The following MTMR2 variants were observed in gnomAD, a reference collection of about 807,000 sequenced individuals.
The protein encoded by MTMR2 is myotubularin related protein 2.
Under a neutral mutation model 86.9 loss-of-function variants are expected in MTMR2, and 55 were observed. The observed-to-expected ratio is 0.63, with a 90% CI of 0.51 to 0.79. The LOEUF (loss-of-function observed/expected upper bound fraction) is 0.79. Ranked by LOEUF, MTMR2 falls within the 30% of genes least tolerant of loss-of-function variation. The probability of loss-of-function intolerance (pLI) is 0.00; values close to 1 mark genes in which losing one functional copy is unlikely to be tolerated. For synonymous variants in MTMR2, 241 were observed against 266.8 expected (o/e 0.90, Z 0.94); for missense variants, 659 against 772.3 (o/e 0.85, Z 1.74).
chr11:95,841,771 AT>A, intron 11 of MTMR2, 62 bp from the exon 12 acceptor site: 2 of 1,356,328 alleles, frequency 1.5e-6, no homozygotes, highest in East Asian at 2.3e-5. Flanking sequence ...GATGGAAATA[AT>A]TTTTTAAAAA....
chr11:95,884,949 C>T (rs1203861049), intron 2 of MTMR2, among the ~76,000 whole-genome samples: 2 of 151,996 alleles, frequency 1.3e-5, no homozygotes, highest in East Asian at 1.9e-4. Flanking sequence ...GAACAGTTAA[C>T]CTTTGTTGCC....
At chr11:95,855,096 C>A (rs1864162223) in intron 7 of MTMR2, among the ~76,000 whole-genome samples, 1 of 152,066 alleles carries the variant, frequency 6.6e-6, no homozygotes, top group Non-Finnish European at 1.5e-5. Context: ...AGGTGTGAGC[C>A]ACTGTGCCCA....
At chr11:95,923,799 G>C (rs1456667274) in intron 1 of MTMR2, 76 bp downstream of exon 1, 2 of 1,513,410 alleles carry the variant, frequency 1.3e-6, no homozygotes, top group Non-Finnish European at 1.8e-6. Context: ...CGCGAATTGG[G>C]GCAACAATCC....
intron 1 of MTMR2, among the ~76,000 whole-genome samples, chr11:95,900,915 G>A (rs191674433): frequency 1.3e-4 from 20 of 152,252 alleles, no homozygotes; most frequent in Non-Finnish European, 2.4e-4. Flanking sequence ...CAGGGGCCTT[G>A]TTTCTCTGAG....
chr11:95,889,388 C>A (rs1257196626), intron 1 of MTMR2, among the ~76,000 whole-genome samples: 3 of 152,032 alleles, frequency 2.0e-5, no homozygotes, highest in African/African-American at 7.2e-5. Flanking sequence ...CCGCTTCGGC[C>A]TCCCAAAGTG....
At chr11:95,837,881 C>G (rs1863355981) in intron 13 of MTMR2, among the ~76,000 whole-genome samples, 1 of 152,002 alleles carries the variant, frequency 6.6e-6, no homozygotes, top group Non-Finnish European at 1.5e-5. Context: ...ATGAACTCAG[C>G]AGACAGCTAG....
rs150499549 is a variant in MTMR2 at position 95,863,683 on chromosome 11, A to G, written c.263-1317T>C. Among the ~76,000 whole-genome samples the G allele has an allele frequency of 4.2e-3, 637 of 152,204 alleles. 1 individual carries two copies. The highest frequency in any genetic ancestry group is 0.014 in the African/African-American group (587 of 41,514). ...TAAGAAAACTCAGCCTTATTATCCT[A>G]TATCCCACCACAGGAATGTCATTCT... On this transcript the variant is annotated intron_variant, in intron 3 of 14. Coordinates refer to ENST00000346299, the MANE Select transcript of MTMR2 (RefSeq NM_016156.6).
intron 1 of MTMR2, among the ~76,000 whole-genome samples, chr11:95,909,837 AG>A (rs1257582801): frequency 6.6e-6 from 1 of 152,172 alleles, no homozygotes; most frequent in Non-Finnish European, 1.5e-5. Context: ...CTGAACTGGT[AG>A]AAAGTGTTCA....
rs754358489 is a variant in MTMR2, at chr11:95,862,046, A to G, written c.414T>C (p.Ile138=). 5 of 1,613,842 alleles carry G rather than the reference A, an allele frequency of 3.1e-6. No individual in the cohort carries two copies. The highest frequency in any genetic ancestry group is 3.3e-5 in the Admixed American group (2 of 59,996). The change falls in exon 5 of 15, where the codon ATT becomes ATC. Residue 138 remains isoleucine (I), a synonymous_variant. Coordinates refer to ENST00000346299, the MANE Select transcript of MTMR2 (RefSeq NM_016156.6). ...TTTCACCTCGACTAGAAGCACCACC[A>G]ATTTTTTCTACTCTATTTATCACAC... is the stretch of plus-strand genomic sequence containing the variant. ...SLGVINRVEK[I]GGASSRGENS...
intron 1 of MTMR2, among the ~76,000 whole-genome samples, chr11:95,906,448 AGTG>A (rs1866280271): frequency 6.6e-6 from 1 of 152,206 alleles, no homozygotes; most frequent in Non-Finnish European, 1.5e-5. Flanking sequence ...ACACAATAAT[AGTG>A]AGAGACTTCA....
rs960513894 is a variant in MTMR2 at position 95,870,732 on chromosome 11, TTTTTC to T, written c.187-5061_187-5057del. ...TTTTTTTTTTAAGGTTCTTTTTTTC[TTTTTC>T]TTTTTTTTTTTATTATACTTTAAGT... On this transcript the variant is annotated intron_variant, in intron 2 of 14. Coordinates refer to ENST00000346299, the MANE Select transcript of MTMR2 (RefSeq NM_016156.6). Among the ~76,000 whole-genome samples, 9 of 111,904 alleles carry T rather than the reference TTTTTC, an allele frequency of 8.0e-5. 1 individual carries two copies. Among genetic ancestry groups the T allele is most frequent in the South Asian group, 5.0e-4 (2 of 3,972 alleles). The allele number at this position is 111,904 out of a possible 152,430, so 73.4% of individuals were successfully genotyped here.
At chr11:95,836,069 A>G (rs1863260598) in intron 14 of MTMR2, 79 bp downstream of exon 14, 3 of 1,360,398 alleles carry the variant, frequency 2.2e-6, no homozygotes, top group African/African-American at 1.4e-5. Context: ...ATGCACAGAT[A>G]ATCTTTCCAG....
chr11:95,865,640 C>G lies in MTMR2; in HGVS notation c.223G>C (p.Glu75Gln), dbSNP rs1237939737. 1.2e-6 allele frequency: 2 copies of G among 1,613,894 alleles called. No individual in the cohort carries two copies. Among genetic ancestry groups the G allele is most frequent in the Non-Finnish European group, 1.7e-6 (2 of 1,179,812 alleles). ...TTTTCTCCTGGAAGCAAGGGTGGTT[C>G]TTCCATTTCTGCTAACTTGTTAGAC... Reference protein sequence around the residue: ...RESNKLAEMEEPPLLPGENIK... With the variant: ...RESNKLAEMEQPPLLPGENIK... Residue 75 changes from glutamate to glutamine, a missense_variant, in exon 3 of 15, where the codon GAA (glutamate) becomes CAA (glutamine). Transcript: ENST00000346299.
intron 2 of MTMR2, among the ~76,000 whole-genome samples, chr11:95,887,002 C>T (rs900692662): frequency 3.3e-5 from 5 of 152,058 alleles, no homozygotes; most frequent in Admixed American, 1.3e-4. Context: ...ATGCAGATTA[C>T]GAAGATAAGC....
At chr11:95,842,460 T>C (rs934518718) in intron 11 of MTMR2, among the ~76,000 whole-genome samples, 2 of 152,164 alleles carry the variant, frequency 1.3e-5, no homozygotes, top group African/African-American at 4.8e-5. Flanking sequence ...GGAGGAACCA[T>C]ATTAGCACAC....
At chr11:95,859,368 C>G (rs1271014261) in intron 5 of MTMR2, among the ~76,000 whole-genome samples, 1 of 152,158 alleles carries the variant, frequency 6.6e-6, no homozygotes, top group Non-Finnish European at 1.5e-5. Flanking sequence ...TATTCATGTT[C>G]CGGTTTACTG....
chr11:95,861,982 T>C lies in MTMR2; in HGVS notation c.468+10A>G. The C allele has an allele frequency of 6.3e-7, 1 of 1,586,646 alleles. No homozygotes were observed. Among genetic ancestry groups the C allele is most frequent in the Non-Finnish European group, 8.7e-7 (1 of 1,155,386 alleles). ...ACCAAAGAAAATCACATACATATTA[T>C]AACATTTACCTTACACACAGTTTCT... On this transcript the variant is annotated intron_variant, in intron 5 of 14. Transcript: ENST00000346299.
intron 2 of MTMR2, among the ~76,000 whole-genome samples, chr11:95,881,168 A>G (rs940944189): frequency 7.2e-5 from 11 of 151,962 alleles, no homozygotes; most frequent in Non-Finnish European, 1.5e-4. Flanking sequence ...ATTGATTACC[A>G]AATAGTTCAT....
rs140158674 is a variant in MTMR2, at chr11:95,898,683, C to G, written c.81-10422G>C. 5.6e-3 allele frequency among the ~76,000 whole-genome samples: 846 copies of G among 152,228 alleles called. 23 individuals are homozygous for G. The highest frequency in any genetic ancestry group is 0.045 in the Admixed American group (685 of 15,268). ...TAAGTAGTGATTCTATTTCAAATGT[C>G]TAACATTTCCAAATATATCCACAAT... On this transcript the variant is annotated intron_variant, in intron 1 of 14. Transcript: ENST00000346299.
Sources: allele counts gnomAD v4.1 joint callset (sites outside exome capture counted in the v4.1 genomes callset), GRCh38; gene constraint gnomAD v4.1.1; transcripts MANE v1.5; gene names NCBI Gene and HGNC (gene_info 2026-07-23, HGNC 2026-07-21).